Variants in PARPBP observed in about 807,000 individuals in gnomAD.
PARPBP encodes PARP1 binding protein, also known as PCNA-interacting partner.
In PARPBP, 52 loss-of-function variants were observed where a neutral mutation model predicts 50.0. The ratio of observed to expected loss-of-function variants is 1.04; its 90% CI spans 0.83 to 1.31. The LOEUF (loss-of-function observed/expected upper bound fraction) is 1.31. Ranked by LOEUF, PARPBP falls within the 50% of genes most tolerant of loss-of-function variation. The pLI is 0.00. For synonymous variants in PARPBP, 244 were observed against 232.1 expected, an observed-to-expected ratio of 1.05 and a Z score of -0.47; for missense variants, 697 against 672.0, an observed-to-expected ratio of 1.04 and a Z score of -0.41.
chr12:102,156,001 C>G (rs1423047178), intron 4 of PARPBP, among the ~76,000 whole-genome samples: 1 of 152,118 alleles, frequency 6.6e-6, no homozygotes, highest in African/African-American at 2.4e-5. Context: ...CTATAACACT[C>G]ACTGCGTGGC....
chr12:102,124,682 T>C (rs1300409953), intron 2 of PARPBP, among the ~76,000 whole-genome samples: 2 of 152,186 alleles, frequency 1.3e-5, no homozygotes, highest in African/African-American at 2.4e-5. Context: ...GGAATCAAAG[T>C]CATGGTATGA....
At position 102,196,461 on chromosome 12, in the gene PARPBP, A is replaced by T; in HGVS notation, c.*170A>T. ...TTAAAAATACTAGTAAGTCATAATT[A>T]TGCAGAATTTTCACAAAGTTTAATG... is the stretch of plus-strand genomic sequence containing the variant. On this transcript the variant is annotated 3_prime_UTR_variant, in exon 11 of 11. Transcript: ENST00000327680. The T allele has an allele frequency of 4.1e-6, 3 of 724,006 alleles. 1 individual carries two copies. The South Asian group carries it at 5.3e-5, about 13-fold the overall frequency. The allele number at this position is 724,006 out of a possible 1,614,324, so 44.8% of individuals were successfully genotyped here.
chr12:102,132,734 T>C (rs2137510208), intron 2 of PARPBP, among the ~76,000 whole-genome samples: 1 of 152,304 alleles, frequency 6.6e-6, no homozygotes, highest in Non-Finnish European at 1.5e-5. Context: ...AATCTGTATA[T>C]TGCTTTGGAT....
At chr12:102,162,128 G>A (rs533923608) in intron 4 of PARPBP, among the ~76,000 whole-genome samples, 257 of 152,260 alleles carry the variant, frequency 1.7e-3, no homozygotes, top group African/African-American at 6.0e-3. Context: ...ATTTTAAGGT[G>A]TATATGCTTA....
chr12:102,129,378 A>G (rs73384822), intron 2 of PARPBP, among the ~76,000 whole-genome samples: 6,858 of 151,694 alleles, frequency 0.045, 423 homozygotes, highest in East Asian at 0.3. Flanking sequence ...CATGATTTGG[A>G]TATATTTTCT....
intron 7 of PARPBP, among the ~76,000 whole-genome samples, chr12:102,176,513 T>C (rs1889297447): frequency 6.6e-6 from 1 of 152,166 alleles, no homozygotes; most frequent in African/African-American, 2.4e-5. Context: ...TCCCAGAACA[T>C]TTACTTATTC....
At chr12:102,157,423 T>A (rs1405717687) in intron 4 of PARPBP, among the ~76,000 whole-genome samples, 1 of 152,070 alleles carries the variant, frequency 6.6e-6, no homozygotes, top group Non-Finnish European at 1.5e-5. Context: ...CTCCTTAGAC[T>A]CTTTTACTCC....
chr12:102,165,549 T>G (rs188169350), intron 5 of PARPBP, among the ~76,000 whole-genome samples, 180 bp from the exon 6 acceptor site: 4 of 152,328 alleles, frequency 2.6e-5, no homozygotes, highest in African/African-American at 7.2e-5. Context: ...CTAGCATGAA[T>G]TCTGCATGGC....
At chr12:102,130,022 A>G (rs1882602998) in intron 2 of PARPBP, among the ~76,000 whole-genome samples, 1 of 152,240 alleles carries the variant, frequency 6.6e-6, no homozygotes, top group Admixed American at 6.5e-5. Flanking sequence ...CCAAAACAGC[A>G]TGGTATTGGT....
chr12:102,140,627 A>G (rs1372792399), intron 2 of PARPBP, among the ~76,000 whole-genome samples: 1 of 152,220 alleles, frequency 6.6e-6, no homozygotes, highest in Non-Finnish European at 1.5e-5. Flanking sequence ...AATTAGTGCT[A>G]TAAATTTCCC....
intron 3 of PARPBP, among the ~76,000 whole-genome samples, chr12:102,150,902 C>A (rs1886098460): frequency 6.6e-6 from 1 of 152,190 alleles, no homozygotes; most frequent in Admixed American, 6.5e-5. Flanking sequence ...TGGGAGAACA[C>A]AAGACTCTTC....
intron 2 of PARPBP, among the ~76,000 whole-genome samples, chr12:102,147,652 A>G (rs969697901): frequency 6.6e-6 from 1 of 152,082 alleles, no homozygotes; most frequent in Non-Finnish European, 1.5e-5. Flanking sequence ...CCAGCATGGC[A>G]TATGTATACA....
chr12:102,154,363 A>G (rs2139070189), intron 4 of PARPBP, among the ~76,000 whole-genome samples: 1 of 152,306 alleles, frequency 6.6e-6, no homozygotes, highest in African/African-American at 2.4e-5. Flanking sequence ...TACAGCTCAT[A>G]TATCAGGAGT....
intron 9 of PARPBP, among the ~76,000 whole-genome samples, chr12:102,187,093 A>G (rs1207183789): frequency 6.6e-6 from 1 of 152,192 alleles, no homozygotes; most frequent in African/African-American, 2.4e-5. Context: ...CCCCTGCCTG[A>G]TACTTGAAAT....
chr12:102,154,266 G>A (rs555935235), intron 4 of PARPBP, among the ~76,000 whole-genome samples: 16 of 152,040 alleles, frequency 1.1e-4, no homozygotes, highest in South Asian at 4.2e-4. Context: ...GACTCTCTTT[G>A]GTAAACTTCA....
intron 3 of PARPBP, among the ~76,000 whole-genome samples, chr12:102,152,171 AG>A (rs1421076165): frequency 3.3e-5 from 5 of 152,154 alleles, no homozygotes; most frequent in Admixed American, 3.3e-4. Context: ...TGCAGATGAA[AG>A]CTTGTTGCTA....
chr12:102,161,637 G>T (rs754237489), intron 4 of PARPBP, among the ~76,000 whole-genome samples: 36 of 152,074 alleles, frequency 2.4e-4, no homozygotes, highest in Non-Finnish European at 4.7e-4. Flanking sequence ...TTATCAGAAA[G>T]TGGCTAGGCA....
chr12:102,150,924 C>A (rs555081737), intron 3 of PARPBP, among the ~76,000 whole-genome samples: 2 of 152,194 alleles, frequency 1.3e-5, no homozygotes, highest in Non-Finnish European at 2.9e-5. Context: ...TTAGCCTCAG[C>A]AGATGACTGG....
intron 2 of PARPBP, among the ~76,000 whole-genome samples, chr12:102,128,898 T>C (rs1379466262): frequency 1.3e-5 from 2 of 152,210 alleles, no homozygotes; most frequent in African/African-American, 4.8e-5. Context: ...TTTCATACTG[T>C]AATGCTTATA....
Sources: gnomAD v4.1 joint callset for allele counts (sites outside exome capture counted in the v4.1 genomes callset) on GRCh38, gnomAD v4.1.1 for gene constraint, MANE v1.5 for transcripts, NCBI Gene and HGNC (gene_info 2026-07-23, HGNC 2026-07-21) for gene names.